STIM2: variants seen among roughly 807,000 people sequenced by gnomAD.
STIM2 encodes the protein stromal interaction molecule 2.
STIM2 carries 31 observed loss-of-function variants against 85.8 expected under a neutral mutation model. The observed-to-expected ratio is 0.36, with a 90% CI of 0.27 to 0.49. STIM2 has a LOEUF of 0.49. STIM2 is among the 20% of genes least tolerant of loss of function. The pLI, the probability that STIM2 is intolerant of heterozygous loss-of-function variation, is 0.98. For synonymous variants in STIM2, 356 were observed against 331.1 expected (o/e 1.08, Z -0.82); for missense variants, 841 against 927.6 (o/e 0.91, Z 1.21).
At position 26,885,821 on chromosome 4, in the gene STIM2, T is replaced by TTATATATATA. The variant is rs56851120; in HGVS notation, c.151+24496_151+24505dup. 2.2e-3 allele frequency among the ~76,000 whole-genome samples: 187 copies of TTATATATATA among 84,442 alleles called. 1 individual carries two copies. The highest frequency in any genetic ancestry group is 3.4e-3 in the Non-Finnish European group (129 of 37,432). 55.4% of individuals were successfully genotyped at this position (84,442 alleles called of 152,430 possible). A position where few individuals can be genotyped will look rare whatever the true frequency, so the allele number is the denominator to read the frequency against. On this transcript the variant is annotated intron_variant, in intron 1 of 11. Transcript: ENST00000467087. Reference sequence around the variant, plus strand: ...ATGAAGCCAAATTTAGCACCTCAGGTTATATATATATATATATATATATAT... The same window carrying TTATATATATA: ...ATGAAGCCAAATTTAGCACCTCAGGTTATATATATATATATATATATATATATATATATAT...
At chr4:27,007,420 A>G (rs1279847386) in intron 7 of STIM2, 113 bp from the exon 8 acceptor site, 1 of 721,188 alleles carries the variant, frequency 1.4e-6, no homozygotes, top group East Asian at 3.0e-5. Flanking sequence ...CGATGTTTAC[A>G]AAGAGCATAA....
intron 3 of STIM2, among the ~76,000 whole-genome samples, chr4:26,979,951 T>TG (rs1321314447): frequency 1.3e-5 from 2 of 152,212 alleles, no homozygotes; most frequent in African/African-American, 4.8e-5. Flanking sequence ...TTTATAGAGA[T>TG]GGGGGTCTCA....
At chr4:26,940,137 C>G (rs1249293933) in intron 2 of STIM2, among the ~76,000 whole-genome samples, 1 of 152,134 alleles carries the variant, frequency 6.6e-6, no homozygotes, top group Non-Finnish European at 1.5e-5. Flanking sequence ...CCCTTGAGTG[C>G]TGGTTTACTC....
intron 2 of STIM2, among the ~76,000 whole-genome samples, chr4:26,943,545 A>G (rs775885772): frequency 8.5e-5 from 13 of 152,142 alleles, no homozygotes; most frequent in Admixed American, 7.9e-4. Flanking sequence ...AAAATGTTCC[A>G]TGTCCAGCTT....
chr4:26,945,778 C>G (rs557811561), intron 2 of STIM2, among the ~76,000 whole-genome samples: 40 of 152,016 alleles, frequency 2.6e-4, no homozygotes, highest in African/African-American at 9.6e-4. Context: ...TGTCCTTTGC[C>G]CACTTTTTAA....
chr4:26,862,187 A>G (rs1053710692), intron 1 of STIM2, among the ~76,000 whole-genome samples: 1 of 152,186 alleles, frequency 6.6e-6, no homozygotes, highest in Non-Finnish European at 1.5e-5. Context: ...TGTAAGGTTA[A>G]GTGCAGAATT....
intron 3 of STIM2, among the ~76,000 whole-genome samples, chr4:26,992,991 T>C (rs1727818518): frequency 6.6e-6 from 1 of 152,172 alleles, no homozygotes; most frequent in South Asian, 2.1e-4. Flanking sequence ...TCTTCCTTTC[T>C]GTACTGACTT....
chr4:26,968,549 A>G (rs538429453), intron 3 of STIM2, among the ~76,000 whole-genome samples: 1 of 152,270 alleles, frequency 6.6e-6, no homozygotes, highest in Admixed American at 6.5e-5. Flanking sequence ...TTGAATGGAT[A>G]CAGAATTTCA....
intron 1 of STIM2, among the ~76,000 whole-genome samples, chr4:26,903,815 T>G (rs1438584329): frequency 6.6e-6 from 1 of 152,156 alleles, no homozygotes; most frequent in Non-Finnish European, 1.5e-5. Context: ...CCCATCTGAT[T>G]CTTTTTTTTG....
At chr4:27,018,249 T>C (rs1017581855) in intron 11 of STIM2, among the ~76,000 whole-genome samples, 1 of 152,194 alleles carries the variant, frequency 6.6e-6, no homozygotes, top group African/African-American at 2.4e-5. Context: ...CATCTGGAGC[T>C]TGCAGTTCTC....
intron 2 of STIM2, among the ~76,000 whole-genome samples, chr4:26,948,125 A>G (rs778365712): frequency 2.0e-5 from 3 of 152,312 alleles, no homozygotes; most frequent in Non-Finnish European, 2.9e-5. Context: ...CTGTCATCAG[A>G]ACTCTGCCAC....
chr4:26,983,009 G>A (rs374044427), intron 3 of STIM2, among the ~76,000 whole-genome samples: 68 of 152,286 alleles, frequency 4.5e-4, no homozygotes, highest in African/African-American at 1.5e-3. Flanking sequence ...CCTTATGTGG[G>A]CCTCGGCCTT....
At chr4:26,958,991 G>C (rs1350648929) in intron 3 of STIM2, among the ~76,000 whole-genome samples, 1 of 152,164 alleles carries the variant, frequency 6.6e-6, no homozygotes, top group Admixed American at 6.6e-5. Flanking sequence ...CTTAGGTCTT[G>C]TACTACCTTT....
chr4:26,920,610 G>T (rs1027002018), intron 2 of STIM2, among the ~76,000 whole-genome samples: 4 of 152,094 alleles, frequency 2.6e-5, no homozygotes, highest in African/African-American at 9.7e-5. Flanking sequence ...ATGTAACAGT[G>T]ACAGTGTCTA....
At chr4:26,908,407 T>A (rs1206409995) in intron 1 of STIM2, among the ~76,000 whole-genome samples, 1 of 152,218 alleles carries the variant, frequency 6.6e-6, no homozygotes, top group African/African-American at 2.4e-5. Flanking sequence ...GGTTTAGTCA[T>A]CATGAGAAGT....
intron 2 of STIM2, among the ~76,000 whole-genome samples, chr4:26,935,087 T>A (rs1725347148): frequency 1.3e-5 from 2 of 152,164 alleles, no homozygotes; most frequent in East Asian, 3.8e-4. Flanking sequence ...CTTTATATTT[T>A]AGCTGCAAAT....
intron 1 of STIM2, among the ~76,000 whole-genome samples, chr4:26,875,732 G>C (rs1281147606): frequency 6.6e-6 from 1 of 152,074 alleles, no homozygotes; most frequent in African/African-American, 2.4e-5. Flanking sequence ...AATTATTATG[G>C]GGATGTTCTT....
chr4:26,908,991 A>G (rs1724232289), intron 1 of STIM2, among the ~76,000 whole-genome samples: 3 of 152,196 alleles, frequency 2.0e-5, no homozygotes, highest in Admixed American at 2.0e-4. Flanking sequence ...AGGCATGAGG[A>G]TTGCTTGAGC....
At chr4:26,957,186 A>G (rs1383763991) in intron 2 of STIM2, among the ~76,000 whole-genome samples, 2 of 152,176 alleles carry the variant, frequency 1.3e-5, no homozygotes, top group Non-Finnish European at 2.9e-5. Flanking sequence ...CTATGTAAAT[A>G]GTTGTTGTAA....
Sources: gnomAD v4.1 joint callset for allele counts (sites outside exome capture counted in the v4.1 genomes callset) on GRCh38, gnomAD v4.1.1 for gene constraint, MANE v1.5 for transcripts, NCBI Gene and HGNC (gene_info 2026-07-23, HGNC 2026-07-21) for gene names.